SH3TC2: variants seen among roughly 807,000 people sequenced by gnomAD.
The protein encoded by SH3TC2 is SH3 domain and tetratricopeptide repeat-containing protein 2.
A neutral mutation model predicts 124.5 loss-of-function variants in SH3TC2; 87 were observed. The ratio of observed to expected loss-of-function variants is 0.70; its 90% CI spans 0.59 to 0.84. The LOEUF is 0.84. Ranked by LOEUF, SH3TC2 falls within the 40% of genes least tolerant of loss-of-function variation. The pLI, the probability that SH3TC2 is intolerant of heterozygous loss-of-function variation, is 0.00. For missense variants in SH3TC2, 1,536 were observed against 1,566.4 expected (o/e 0.98, Z 0.33); for synonymous variants, 634 against 628.5 (o/e 1.01, Z -0.13).
rs1391880776 is a variant in SH3TC2 at position 148,986,886 on chromosome 5, C to T, written c.*17825G>A. 1.3e-5 allele frequency among the ~76,000 whole-genome samples: 2 copies of T among 152,162 alleles called. No homozygotes were observed. The highest frequency in any genetic ancestry group is 1.9e-4 in the East Asian group (1 of 5,198). On this transcript the variant is annotated 3_prime_UTR_variant, in exon 17 of 17. Transcript: ENST00000515425. ...TTAAAACAGTTACACCCAAAAAATG[C>T]TGAGATTATTTAACAATGCAATAAT... is the stretch of plus-strand genomic sequence containing the variant.
At chr5:149,025,822 A>G (rs1754053272) in intron 12 of SH3TC2, 1 of 152,384 alleles carries the variant, frequency 6.6e-6, no homozygotes, top group East Asian at 1.9e-4. Flanking sequence ...GAGGATTTTT[A>G]AGGTAGTCCT....
intron 8 of SH3TC2, among the ~76,000 whole-genome samples, chr5:149,033,702 G>A (rs1754236706): frequency 6.6e-6 from 1 of 152,188 alleles, no homozygotes; most frequent in Non-Finnish European, 1.5e-5. Context: ...TACCTGCCGA[G>A]AACACACTTT....
intron 9 of SH3TC2, among the ~76,000 whole-genome samples, chr5:149,029,841 T>A (rs188560150): frequency 6.6e-6 from 1 of 151,164 alleles, no homozygotes; most frequent in Admixed American, 6.6e-5. Context: ...AGCTTCACAC[T>A]CCACAGGATG....
At position 148,982,157 on chromosome 5, in the gene SH3TC2, A is replaced by ATT. The variant is rs55932017; in HGVS notation, c.*22552_*22553dup. ...ATGTCTCTGGAAACAGGATTCCAGTATTTTTTTTTTATTTCTGTAGTTTAA... is the reference window on the plus strand; with the variant it reads ...ATGTCTCTGGAAACAGGATTCCAGTATTTTTTTTTTTTATTTCTGTAGTTTAA... On this transcript the variant is annotated 3_prime_UTR_variant, in exon 17 of 17. Coordinates refer to ENST00000515425, the MANE Select transcript of SH3TC2 (RefSeq NM_024577.4). Among the ~76,000 whole-genome samples, 65 of 150,336 alleles carry ATT rather than the reference A, an allele frequency of 4.3e-4. No homozygotes were observed. The highest frequency in any genetic ancestry group is 4.7e-4 in the Non-Finnish European group (32 of 67,498).
At chr5:149,062,920 G>C (rs771169565) in intron 1 of SH3TC2, 51 bp downstream of exon 1, 6 of 1,531,978 alleles carry the variant, frequency 3.9e-6, no homozygotes, top group Non-Finnish European at 5.3e-6. Flanking sequence ...GCCTCTACTG[G>C]ACCATCCACT....
At chr5:149,034,799 G>T (rs990261695) in intron 8 of SH3TC2, among the ~76,000 whole-genome samples, 2 of 152,016 alleles carry the variant, frequency 1.3e-5, no homozygotes, top group African/African-American at 4.8e-5. Context: ...GTCAACAAAA[G>T]AAAAAATGAT....
chr5:149,046,096 G>A (rs72835362), intron 3 of SH3TC2: 4,181 of 219,300 alleles, frequency 0.019, 65 homozygotes, highest in Non-Finnish European at 0.03. Context: ...CCTGTCATCA[G>A]TACCAACTCC....
chr5:149,052,347 G>A, intron 1 of SH3TC2, 107 bp from the exon 2 acceptor site: 2 of 794,390 alleles, frequency 2.5e-6, no homozygotes, highest in South Asian at 2.7e-5. Flanking sequence ...TCCAGGATTA[G>A]TGGCATGGAA....
At chr5:149,009,923 C>T (rs918446352) in intron 14 of SH3TC2, among the ~76,000 whole-genome samples, 1 of 152,110 alleles carries the variant, frequency 6.6e-6, no homozygotes, top group African/African-American at 2.4e-5. Context: ...CCACCACACC[C>T]CCAGTAGTAA....
In SH3TC2 at chr5:149,040,644, G is replaced by T; in HGVS notation, c.765C>A (p.Gly255=). The T allele has an allele frequency of 6.2e-7, 1 of 1,614,106 alleles. No homozygotes were observed. Among genetic ancestry groups the T allele is most frequent in the Non-Finnish European group, 8.5e-7 (1 of 1,180,018 alleles). ...CTGTCCAATCCCTCTTCCTGGAAAGGCCACAGCTTCCTGGATAATTCTTTA... is the reference window on the plus strand; with the variant it reads ...CTGTCCAATCCCTCTTCCTGGAAAGTCCACAGCTTCCTGGATAATTCTTTA... ...WFLKNYPGSC[G]LSRKRDWTGS... The change falls in exon 7 of 17, where the codon GGC becomes GGA. Residue 255 remains glycine, a synonymous_variant. Coordinates refer to ENST00000515425, the MANE Select transcript of SH3TC2 (RefSeq NM_024577.4).
Position 149,011,649 on chromosome 5 carries a change from T to C in SH3TC2, c.3204+935A>G, listed in dbSNP as rs1281101175. Among the ~76,000 whole-genome samples, 6 of 152,206 alleles carry C rather than the reference T, an allele frequency of 3.9e-5. No individual in the cohort carries two copies. In the South Asian group the frequency reaches 1.2e-3, roughly 32 times the overall value. On this transcript the variant is annotated intron_variant, in intron 13 of 16. Transcript: ENST00000515425. Reference sequence around the variant, plus strand: ...AAACTACGTCATGCAAGTGAAGTGTTTGGCAAAGTCTCCTGTACATAGGAA... The same window carrying C: ...AAACTACGTCATGCAAGTGAAGTGTCTGGCAAAGTCTCCTGTACATAGGAA...
At chr5:149,031,756 AC>A (rs1178961450) in intron 8 of SH3TC2, 69 bp from the exon 9 acceptor site, 1 of 1,604,362 alleles carries the variant, frequency 6.2e-7, no homozygotes, top group Non-Finnish European at 8.5e-7. Flanking sequence ...TCTTCTCTCC[AC>A]ACTAGGATGT....
At position 149,026,727 on chromosome 5, in the gene SH3TC2, G is replaced by A. The variant is rs1361509427; in HGVS notation, c.2898C>T (p.Leu966=). Residue 966 remains leucine (L), a synonymous_variant, in exon 12 of 17, where the codon CTC becomes CTT. Transcript: ENST00000515425. ...LKSQLQATKS[L]CHFYSSVSPN... Reference sequence around the variant, plus strand: ...GGGACACAGAGCTGTAGAAATGGCAGAGGGATTTGGTGGCCTGAAGCTGAC... The same window carrying A: ...GGGACACAGAGCTGTAGAAATGGCAAAGGGATTTGGTGGCCTGAAGCTGAC... 6.2e-7 allele frequency: 1 copy of A among 1,614,228 alleles called. No homozygotes were observed. The highest frequency in any genetic ancestry group is 8.5e-7 in the Non-Finnish European group (1 of 1,180,034).
In SH3TC2 at chr5:149,010,304, G is replaced by A. The variant is rs199514987; in HGVS notation, c.3293C>T (p.Thr1098Ile). ...EEAGDVFFNG[T>I]RHRHHAVEYY... ...CTCCACTGCATGATGCCTGTGGCGG[G>A]TCCCATTGAAGAACACATCACCTGC... The change falls in exon 14 of 17, where the codon ACC becomes ATC. Residue 1098 changes from threonine to isoleucine, a missense_variant. Thr to Ile is a moderately conservative substitution (Grantham distance 89). This residue lies in a region of SH3TC2 where 426 missense variants were observed against 443.5 expected (regional missense o/e 0.96). Coordinates refer to ENST00000515425, the MANE Select transcript of SH3TC2 (RefSeq NM_024577.4). The A allele has an allele frequency of 6.3e-5, 102 of 1,614,056 alleles. No homozygotes were observed. The highest frequency in any genetic ancestry group is 3.3e-4 in the Middle Eastern group (2 of 6,074).
rs149188140 is a variant in SH3TC2 at position 148,985,441 on chromosome 5, C to T, written c.*19270G>A. 4.8e-3 allele frequency among the ~76,000 whole-genome samples: 735 copies of T among 152,254 alleles called. 6 individuals carry two copies. The highest frequency in any genetic ancestry group is 0.016 in the African/African-American group (671 of 41,560). ...TGCTGATCCTGTAGTTTTTAAAATG[C>T]CATATGGATTATATACAGTATGTAG... On this transcript the variant is annotated 3_prime_UTR_variant, in exon 17 of 17. Transcript: ENST00000515425.
chr5:149,027,533 A>G lies in SH3TC2; in HGVS notation c.2199T>C (p.Ser733=), dbSNP rs1220210982. Residue 733 remains serine (S), a synonymous_variant, in exon 11 of 17, where the codon TCT becomes TCC. Transcript: ENST00000515425. ...GFPSPGWGEV[S]ALACPMLRQA... The stretch of plus-strand genomic sequence containing the variant: ...GTCTGAGCATTGGGCAGGCCAAGGC[A>G]GAAACTTCACCCCAGCCTGGGGAAG... 1 of 1,614,230 alleles carries G rather than the reference A, an allele frequency of 6.2e-7. No individual in the cohort carries two copies. Among genetic ancestry groups the G allele is most frequent in the Middle Eastern group, 1.6e-4 (1 of 6,062 alleles).
intron 1 of SH3TC2, chr5:149,062,266 A>G (rs763461853): frequency 6.0e-6 from 3 of 500,848 alleles, no homozygotes; most frequent in Non-Finnish European, 1.2e-5. Flanking sequence ...ACCACACAAG[A>G]GAACACAGGG....
chr5:149,034,045 A>G (rs1320575201), intron 8 of SH3TC2, among the ~76,000 whole-genome samples: 2 of 152,218 alleles, frequency 1.3e-5, no homozygotes, highest in Non-Finnish European at 2.9e-5. Context: ...ACTACAAAAA[A>G]CTAGAAATGA....
At position 149,027,828 on chromosome 5, in the gene SH3TC2, G is replaced by A; in HGVS notation, c.1904C>T (p.Ala635Val). The stretch of plus-strand genomic sequence containing the variant: ...GAGCAAGCGGATGGCCAGAAAGCAG[G>A]CCCTGGCCTCCAGCGGGCTGCTGCC... Reference protein sequence around the residue: ...VVGSSPLEARACFLAIRLLLS... With the variant: ...VVGSSPLEARVCFLAIRLLLS... Residue 635 changes from alanine to valine, a missense_variant, in exon 11 of 17, where the codon GCC becomes GTC. Ala to Val is a moderately conservative substitution (Grantham distance 64). Transcript: ENST00000515425. 2.5e-6 allele frequency: 4 copies of A among 1,613,844 alleles called. No individual in the cohort carries two copies. The highest frequency in any genetic ancestry group is 3.4e-6 in the Non-Finnish European group (4 of 1,180,028).
Sources: gnomAD v4.1 joint callset for allele counts (sites outside exome capture counted in the v4.1 genomes callset) on GRCh38, gnomAD v4.1.1 for gene constraint, gnomAD v4.1.1 regional missense constraint, MANE v1.5 for transcripts, NCBI Gene and HGNC (gene_info 2026-07-23, HGNC 2026-07-21) for gene names.